CCT2: variants seen among roughly 807,000 people sequenced by gnomAD.
CCT2 encodes chaperonin containing TCP1 subunit 2.
Under a neutral mutation model 61.8 loss-of-function variants are expected in CCT2, and 18 were observed. The ratio of observed to expected loss-of-function variants is 0.29; its 90% CI spans 0.20 to 0.43. The LOEUF is 0.43. CCT2 is among the 20% of genes least tolerant of loss of function. CCT2 has a pLI of 1.00. For synonymous variants in CCT2, 248 were observed against 215.9 expected, an observed-to-expected ratio of 1.15 and a Z score of -1.30; for missense variants, 556 against 656.9, an observed-to-expected ratio of 0.85 and a Z score of 1.68.
At chr12:69,597,550 C>T in intron 11 of CCT2, 88 bp from the exon 12 acceptor site, 1 of 1,374,074 alleles carries the variant, frequency 7.3e-7, no homozygotes, top group Non-Finnish European at 1.0e-6. Flanking sequence ...GGTCAGCTTT[C>T]AGAACCCAGT....
At chr12:69,587,315 T>G (rs544661859) in intron 3 of CCT2, among the ~76,000 whole-genome samples, 190 bp from the exon 4 acceptor site, 50 of 152,320 alleles carry the variant, frequency 3.3e-4, no homozygotes, top group African/African-American at 1.2e-3. Flanking sequence ...TACCTGTGCT[T>G]CTAGTGTTTC....
intron 11 of CCT2, 28 bp from the exon 12 acceptor site, chr12:69,597,609 TA>T: frequency 1.9e-6 from 3 of 1,607,402 alleles, no homozygotes; most frequent in Non-Finnish European, 2.5e-6. Context: ...TTTTTATCCC[TA>T]AGTGGTCACT....
chr12:69,586,470 C>G, intron 2 of CCT2, 126 bp downstream of exon 2: 1 of 704,154 alleles, frequency 1.4e-6, no homozygotes, highest in Middle Eastern at 4.0e-4. Context: ...GAGTTCGAGA[C>G]CAGCCTGGCC....
chr12:69,586,798 A>C lies in CCT2; in HGVS notation c.124A>C (p.Thr42Pro). ...CGCCATTGGAGACTTGGTAAAGAGCACCTTGGGACCCAAAGGCATGGTAAG... is the reference window on the plus strand; with the variant it reads ...CGCCATTGGAGACTTGGTAAAGAGCCCCTTGGGACCCAAAGGCATGGTAAG... ...AIAIGDLVKS[T>P]LGPKGMDKIL... The change falls in exon 3 of 16, where the codon ACC becomes CCC. Residue 42 changes from threonine to proline, a missense_variant. Coordinates refer to ENST00000299300, the MANE Select transcript of CCT2 (RefSeq NM_006431.3). 1 of 1,595,858 alleles carries C rather than the reference A, an allele frequency of 6.3e-7. No homozygotes were observed. Among genetic ancestry groups the C allele is most frequent in the Non-Finnish European group, 8.5e-7 (1 of 1,172,834 alleles).
rs762745968 is a variant in CCT2 at position 69,588,218 on chromosome 12, G to A, written c.402G>A (p.Thr134=). Residue 134 remains threonine, a synonymous_variant, in exon 6 of 16, where the codon ACG becomes ACA. Transcript: ENST00000299300. Reference sequence around the variant, plus strand: ...TCATAGCGGGTTGGAGAGAAGCCACGAAGGCTGCAAGAGAGGCGCTGTTGA... The same window carrying A: ...TCATAGCGGGTTGGAGAGAAGCCACAAAGGCTGCAAGAGAGGCGCTGTTGA... ...QTIIAGWREA[T]KAAREALLSS... The A allele has an allele frequency of 3.5e-5, 57 of 1,614,004 alleles. No homozygotes were observed. The highest frequency in any genetic ancestry group is 5.5e-5 in the South Asian group (5 of 91,088).
rs746181374 is a variant in CCT2, at chr12:69,601,366, A to C, written c.*41A>C. The C allele has an allele frequency of 6.2e-7, 1 of 1,614,006 alleles. No homozygotes were observed. Among genetic ancestry groups the C allele is most frequent in the East Asian group, 2.2e-5 (1 of 44,880 alleles). On this transcript the variant is annotated 3_prime_UTR_variant, in exon 16 of 16. Transcript: ENST00000299300. ...GTCGATCTTTGGACCAGTTTCTAGC[A>C]AAGTTGTGTTTGAAAGATACTCTAT...
chr12:69,599,243 G>A (rs951056650), intron 14 of CCT2, among the ~76,000 whole-genome samples: 1 of 151,876 alleles, frequency 6.6e-6, no homozygotes, highest in Non-Finnish European at 1.5e-5. Flanking sequence ...GTGCCACAAT[G>A]CCTGACTAAA....
At chr12:69,589,739 A>G (rs756749162) in intron 7 of CCT2, 52 bp downstream of exon 7, 1 of 1,383,216 alleles carries the variant, frequency 7.2e-7, no homozygotes, top group African/African-American at 1.4e-5. Context: ...TGAGGGCTGA[A>G]TACTGAGTGA....
chr12:69,594,466 C>T (rs180801865), intron 10 of CCT2, among the ~76,000 whole-genome samples: 2 of 152,256 alleles, frequency 1.3e-5, no homozygotes, highest in East Asian at 3.9e-4. Context: ...AATTAGTATA[C>T]CTCAATACCC....
At chr12:69,588,288 C>A (rs759340578) in intron 6 of CCT2, 26 bp downstream of exon 6, 5 of 1,465,056 alleles carry the variant, frequency 3.4e-6, no homozygotes, top group African/African-American at 1.4e-5. Context: ...TACTACTGTT[C>A]TAAACATTTA....
In CCT2 at chr12:69,593,639, A is replaced by G. The variant is rs1410653527; in HGVS notation, c.982+26A>G. 6 of 1,335,008 alleles carry G rather than the reference A, an allele frequency of 4.5e-6. No individual in the cohort carries two copies. The South Asian group carries it at 6.0e-5, about 13-fold the overall frequency. 82.7% of individuals were successfully genotyped at this position (1,335,008 alleles called of 1,614,324 possible). A position where few individuals can be genotyped will look rare whatever the true frequency, so the allele number is the denominator to read the frequency against. ...GTATGGAAAAAAGGTATTGTTTTCT[A>G]ACAAACACAATAGTCACTCTTGAAT... On this transcript the variant is annotated intron_variant, in intron 10 of 15. Transcript: ENST00000299300.
chr12:69,592,864 G>A (rs866269576), intron 8 of CCT2, 112 bp from the exon 9 acceptor site: 3 of 914,180 alleles, frequency 3.3e-6, no homozygotes, highest in Middle Eastern at 3.0e-4. Flanking sequence ...GCGGGTGGAG[G>A]TTGCAGTGAG....
At chr12:69,597,555 C>T in intron 11 of CCT2, 83 bp from the exon 12 acceptor site, 2 of 1,399,544 alleles carry the variant, frequency 1.4e-6, no homozygotes, top group South Asian at 2.6e-5. Context: ...GCTTTCAGAA[C>T]CCAGTAATAT....
rs2135859243 is a variant in CCT2, at chr12:69,597,705, G to A, written c.1170G>A (p.Leu390=). ...TTTTAGATGAAGCAGAAAGATCATT[G>A]CATGATGCTCTTTGTGTTCTTGCGC... is the stretch of plus-strand genomic sequence containing the variant. The part of the protein sequence containing the change: ...QQILDEAERS[L]HDALCVLAQT... The change falls in exon 12 of 16, where the codon TTG becomes TTA. Residue 390 remains leucine (L), a synonymous_variant. Transcript: ENST00000299300. The A allele has an allele frequency of 6.2e-7, 1 of 1,611,866 alleles. No individual in the cohort carries two copies. The highest frequency in any genetic ancestry group is 8.5e-7 in the Non-Finnish European group (1 of 1,177,934).
intron 7 of CCT2, 125 bp downstream of exon 7, chr12:69,589,812 T>C (rs1881780744): frequency 4.2e-6 from 3 of 715,778 alleles, no homozygotes; most frequent in Non-Finnish European, 7.0e-6. Context: ...GGACATATCA[T>C]ATGTGCAACC....
At chr12:69,596,720 T>A (rs1392736318) in intron 10 of CCT2, among the ~76,000 whole-genome samples, 2 of 152,178 alleles carry the variant, frequency 1.3e-5, no homozygotes, top group Non-Finnish European at 2.9e-5. Context: ...TATCATGAGG[T>A]CTTAGTCTTA....
intron 6 of CCT2, 164 bp from the exon 7 acceptor site, chr12:69,589,321 A>T (rs1881765279): frequency 1.6e-6 from 1 of 606,232 alleles, no homozygotes; most frequent in East Asian, 2.8e-5. Flanking sequence ...TGGGGAAAAT[A>T]ACATCTTTAA....
chr12:69,599,775 A>T, intron 14 of CCT2, 88 bp from the exon 15 acceptor site: 1 of 1,087,040 alleles, frequency 9.2e-7, no homozygotes, highest in Non-Finnish European at 1.3e-6. Context: ...TAATTTTATT[A>T]ATAGGATTAA....
chr12:69,585,850 G>T (rs1881634199), intron 1 of CCT2: 4 of 1,312,574 alleles, frequency 3.0e-6, no homozygotes, highest in Non-Finnish European at 3.9e-6. Context: ...GGCGGAGCCT[G>T]GAGCGACGGG....
Sources: allele counts gnomAD v4.1 joint callset (sites outside exome capture counted in the v4.1 genomes callset), GRCh38; gene constraint gnomAD v4.1.1; transcripts MANE v1.5; gene names NCBI Gene and HGNC (gene_info 2026-07-23, HGNC 2026-07-21).